The following IQCH variants were observed in gnomAD, a reference collection of about 807,000 sequenced individuals.
The protein encoded by IQCH is IQ motif containing H.
In IQCH, 98 loss-of-function variants were observed where a neutral mutation model predicts 117.0. The ratio of observed to expected loss-of-function variants is 0.84; its 90% CI spans 0.71 to 0.99. The LOEUF (loss-of-function observed/expected upper bound fraction) is 0.99. IQCH is among the 50% of genes least tolerant of loss of function. The probability of loss-of-function intolerance (pLI) is 0.00; values close to 1 mark genes in which losing one functional copy is unlikely to be tolerated. For missense variants in IQCH, 1,102 were observed against 1,243.8 expected (o/e 0.89, Z 1.72); for synonymous variants, 412 against 448.2 (o/e 0.92, Z 1.02).
chr15:67,357,850 T>C (rs192011496), intron 7 of IQCH, among the ~76,000 whole-genome samples: 1 of 151,622 alleles, frequency 6.6e-6, no homozygotes, highest in African/African-American at 2.4e-5. Flanking sequence ...AATTCTGTAT[T>C]ATCATTATTA....
intron 20 of IQCH, among the ~76,000 whole-genome samples, chr15:67,499,878 T>C (rs1195556924): frequency 1.3e-5 from 2 of 152,168 alleles, no homozygotes; most frequent in African/African-American, 4.8e-5. Context: ...GGTCACATAT[T>C]GTATGGTTTC....
chr15:67,309,977 A>G (rs552856416), intron 4 of IQCH, among the ~76,000 whole-genome samples: 2 of 151,446 alleles, frequency 1.3e-5, no homozygotes, highest in East Asian at 3.9e-4. Context: ...TGGGTACCTA[A>G]TAAGGTTCTT....
In IQCH at chr15:67,372,478, T is replaced by TG. The variant is rs1970576829; in HGVS notation, c.1122dup (p.Lys375GlufsTer38). 1 of 1,613,916 alleles carries TG rather than the reference T, an allele frequency of 6.2e-7. No homozygotes were observed. On this transcript the variant is annotated frameshift_variant, in exon 9 of 21. Transcript: ENST00000335894. LOFTEE classifies it high-confidence loss of function. Reference sequence around the variant, plus strand: ...CAAGATGGAAATTCGGAGGCCGCCATGAAGATCCAAGCCACATGGAAATGC... The same window carrying TG: ...CAAGATGGAAATTCGGAGGCCGCCATGGAAGATCCAAGCCACATGGAAATGC...
chr15:67,480,407 AAC>A (rs2083312354), intron 18 of IQCH, among the ~76,000 whole-genome samples: 1 of 152,132 alleles, frequency 6.6e-6, no homozygotes, highest in Admixed American at 6.5e-5. Context: ...AAATCATGGA[AAC>A]ACATTGAGAC....
rs1970353955 is a variant in IQCH, at chr15:67,366,944, T to C, written c.754-5167T>C. Among the ~76,000 whole-genome samples the C allele has an allele frequency of 6.6e-6, 1 of 152,122 alleles. No individual in the cohort carries two copies. Among genetic ancestry groups the C allele is most frequent in the African/African-American group, 2.4e-5 (1 of 41,420 alleles). ...TTTCATGGTGCATAAAGTGATGCCA[T>C]TGGAGATAGTTGCCTTTGATTTGAT... is the stretch of plus-strand genomic sequence containing the variant. On this transcript the variant is annotated intron_variant, in intron 8 of 20. Transcript: ENST00000335894. This position sits in a 1 kb window ranked among gnomAD's most constrained non-coding sequence, Gnocchi z 4.4.
At chr15:67,495,025 C>T (rs1436232946) in intron 20 of IQCH, among the ~76,000 whole-genome samples, 1 of 152,164 alleles carries the variant, frequency 6.6e-6, no homozygotes, top group Admixed American at 6.5e-5. Flanking sequence ...ACTGTCTGAA[C>T]AGAGATGATC....
intron 20 of IQCH, among the ~76,000 whole-genome samples, chr15:67,499,590 T>G (rs535092891): frequency 6.6e-6 from 1 of 152,210 alleles, no homozygotes; most frequent in African/African-American, 2.4e-5. Context: ...ACCCGGCAAT[T>G]CCATTTCTAG....
chr15:67,310,090 AAGTG>A (rs1967508845), intron 4 of IQCH, among the ~76,000 whole-genome samples: 1 of 145,450 alleles, frequency 6.9e-6, no homozygotes, highest in South Asian at 2.2e-4. Flanking sequence ...ATCCTAGTGT[AAGTG>A]AGTAATAGGA....
Position 67,351,945 on chromosome 15 carries a change from C to T in IQCH, c.638-5400C>T, listed in dbSNP as rs182207679. On this transcript the variant is annotated intron_variant, in intron 6 of 20. Transcript: ENST00000335894. The stretch of plus-strand genomic sequence containing the variant: ...ACCATCGTTATCCATTTAGCATTTA[C>T]TGTATTTACAGTTATTCTAATTACT... 3.4e-4 allele frequency among the ~76,000 whole-genome samples: 51 copies of T among 152,118 alleles called. No homozygotes were observed. In the East Asian group the frequency reaches 9.6e-3, roughly 29 times the overall value.
chr15:67,446,693 C>A (rs929134543), intron 16 of IQCH, among the ~76,000 whole-genome samples: 1 of 152,162 alleles, frequency 6.6e-6, no homozygotes, highest in African/African-American at 2.4e-5. Flanking sequence ...GGCCCTAAAG[C>A]TCCACCCACG....
At chr15:67,311,240 T>C (rs751300253) in intron 4 of IQCH, among the ~76,000 whole-genome samples, 2 of 152,112 alleles carry the variant, frequency 1.3e-5, no homozygotes, top group Non-Finnish European at 1.5e-5. Flanking sequence ...TTGGTAGATA[T>C]TGTTAGTCAT....
rs1019709953 is a variant in IQCH, at chr15:67,479,977, G to C, written c.2799+4159G>C. On this transcript the variant is annotated intron_variant, in intron 18 of 20. Coordinates refer to ENST00000335894, the MANE Select transcript of IQCH (RefSeq NM_001031715.3). The surrounding 1 kb of genome is among the most constrained non-coding windows in gnomAD (Gnocchi z 4.6). Reference sequence around the variant, plus strand: ...AGCAACTTGGTGGGTCTCATTCCGGGTATTTCTCTAATGCTACAGAATACC... The same window carrying C: ...AGCAACTTGGTGGGTCTCATTCCGGCTATTTCTCTAATGCTACAGAATACC... Among the ~76,000 whole-genome samples the C allele has an allele frequency of 4.6e-5, 7 of 152,192 alleles. No homozygotes were observed. Among genetic ancestry groups the C allele is most frequent in the African/African-American group, 7.2e-5 (3 of 41,442 alleles).
chr15:67,312,878 A>G (rs1198596979), intron 4 of IQCH, among the ~76,000 whole-genome samples: 2 of 152,188 alleles, frequency 1.3e-5, no homozygotes, highest in East Asian at 3.9e-4. Flanking sequence ...GTTCTCCAGT[A>G]TTCTAACCCA....
rs148341974 is a variant in IQCH, at chr15:67,440,882, A to G, written c.2505+19305A>G. The stretch of plus-strand genomic sequence containing the variant: ...CTAGCCAGAGCAATCAGACAAGAGA[A>G]AGAAATAAAGGGCATCCAAATCGGT... On this transcript the variant is annotated intron_variant, in intron 16 of 20. Coordinates refer to ENST00000335894, the MANE Select transcript of IQCH (RefSeq NM_001031715.3). Among the ~76,000 whole-genome samples, 449 of 152,302 alleles carry G rather than the reference A, an allele frequency of 2.9e-3. 4 individuals are homozygous for G. Among genetic ancestry groups the G allele is most frequent in the African/African-American group, 0.01 (427 of 41,554 alleles).
In IQCH at chr15:67,336,145, ATTAG is replaced by A. The variant is rs1267633682; in HGVS notation, c.388-826_388-823del. 2.0e-5 allele frequency among the ~76,000 whole-genome samples: 3 copies of A among 152,032 alleles called. No individual in the cohort carries two copies. In the East Asian group the frequency reaches 5.8e-4, roughly 29 times the overall value. ...CTAATCTTTCTGTCTTGAGTTCTTT[ATTAG>A]TTAAATAGCAAACTGTTACCTAGTT... On this transcript the variant is annotated intron_variant, in intron 4 of 20. Coordinates refer to ENST00000335894, the MANE Select transcript of IQCH (RefSeq NM_001031715.3).
At chr15:67,482,418 A>C (rs185000066) in intron 18 of IQCH, among the ~76,000 whole-genome samples, 1 of 152,156 alleles carries the variant, frequency 6.6e-6, no homozygotes, top group African/African-American at 2.4e-5. Context: ...TTTATAGTTC[A>C]TGGCTTTTCA....
intron 15 of IQCH, among the ~76,000 whole-genome samples, chr15:67,420,146 A>G (rs1244544682): frequency 6.6e-6 from 1 of 152,256 alleles, no homozygotes; most frequent in East Asian, 1.9e-4. Context: ...AAATAGAAAA[A>G]TTAGGATTTG....
At chr15:67,450,881 A>C (rs2082506742) in intron 16 of IQCH, among the ~76,000 whole-genome samples, 1 of 152,182 alleles carries the variant, frequency 6.6e-6, no homozygotes. Flanking sequence ...TAAGCTATTG[A>C]TTATTGCCTC....
chr15:67,357,498 C>A, intron 7 of IQCH, 77 bp downstream of exon 7: 1 of 945,300 alleles, frequency 1.1e-6, no homozygotes, highest in Non-Finnish European at 1.7e-6. Context: ...GTGATTTACA[C>A]GTTATTGAGT....
Sources: allele counts gnomAD v4.1 joint callset (sites outside exome capture counted in the v4.1 genomes callset), GRCh38; gene constraint gnomAD v4.1.1; non-coding constraint Gnocchi (gnomAD v3.1); transcripts MANE v1.5; gene names NCBI Gene and HGNC (gene_info 2026-07-23, HGNC 2026-07-21).